Variants in NPIPB2 observed in about 807,000 individuals in gnomAD.
NPIPB2 encodes the protein nuclear pore complex-interacting protein family member B2.
In NPIPB2, 27 loss-of-function variants were observed where a neutral mutation model predicts 30.8. The ratio of observed to expected loss-of-function variants is 0.88; its 90% CI spans 0.65 to 1.21. NPIPB2 has a LOEUF of 1.21. NPIPB2 is among the 50% of genes most tolerant of loss of function. NPIPB2 has a pLI of 0.00. For synonymous variants in NPIPB2, 147 were observed against 162.0 expected, an observed-to-expected ratio of 0.91 and a Z score of 0.70; for missense variants, 440 against 446.2, an observed-to-expected ratio of 0.99 and a Z score of 0.13.
chr16:11,948,760 C>G, intron 1 of NPIPB2, among the ~76,000 whole-genome samples: 1 of 107,166 alleles, frequency 9.3e-6, no homozygotes, highest in Non-Finnish European at 1.8e-5. Context: ...GAGCGAGACT[C>G]CGTCTCAAAA....
intron 1 of NPIPB2, among the ~76,000 whole-genome samples, chr16:11,975,030 G>A (rs939568001): frequency 6.6e-6 from 1 of 150,646 alleles, no homozygotes; most frequent in Non-Finnish European, 1.5e-5. Context: ...AGCCAAGATC[G>A]CGCCACTGCA....
At chr16:11,960,167 C>A (rs1050878832) in intron 1 of NPIPB2, among the ~76,000 whole-genome samples, 1 of 152,142 alleles carries the variant, frequency 6.6e-6, no homozygotes, top group African/African-American at 2.4e-5. Flanking sequence ...CATTGTGAGG[C>A]TCCCAGTGAC....
upstream of NPIPB2, among the ~76,000 whole-genome samples, chr16:11,945,670 T>G (rs2054999774): frequency 1.3e-5 from 2 of 151,230 alleles, no homozygotes; most frequent in South Asian, 4.2e-4. Flanking sequence ...AGAGTGAGAC[T>G]CTGTCTTAAA....
At chr16:11,951,945 G>T (rs1463230755) in intron 1 of NPIPB2, among the ~76,000 whole-genome samples, 4 of 152,062 alleles carry the variant, frequency 2.6e-5, no homozygotes, top group Admixed American at 6.6e-5. Flanking sequence ...GGACCACAAG[G>T]TCAGGAGATC....
chr16:11,943,435 G>T (rs912411713), upstream of NPIPB2, among the ~76,000 whole-genome samples: 1 of 152,176 alleles, frequency 6.6e-6, no homozygotes, highest in South Asian at 2.1e-4. Context: ...TGGGCATGGT[G>T]GCTCACGCCT....
intron 4 of NPIPB2, among the ~76,000 whole-genome samples, chr16:11,932,856 G>A (rs1212129984): frequency 7.1e-6 from 1 of 140,608 alleles, no homozygotes; most frequent in African/African-American, 2.6e-5. Flanking sequence ...AGCTACTCAG[G>A]AAGCTGAGGC....
At chr16:11,969,520 G>A (rs1268578208) in intron 1 of NPIPB2, among the ~76,000 whole-genome samples, 1 of 152,224 alleles carries the variant, frequency 6.6e-6, no homozygotes, top group Non-Finnish European at 1.5e-5. Context: ...CTCCCAATGT[G>A]CTGGGATTAC....
chr16:11,970,611 C>T (rs1007123928), intron 1 of NPIPB2, among the ~76,000 whole-genome samples: 1 of 152,088 alleles, frequency 6.6e-6, no homozygotes, highest in Non-Finnish European at 1.5e-5. Context: ...TCTTGGCTCA[C>T]TGCAACCTCC....
chr16:11,944,797 A>C (rs1001986211), upstream of NPIPB2, among the ~76,000 whole-genome samples: 22 of 151,648 alleles, frequency 1.5e-4, no homozygotes, highest in Non-Finnish European at 2.9e-4. Flanking sequence ...ATACAAAAGA[A>C]ATAAAATACA....
chr16:11,948,766 C>CAAAAAAAA (rs34639444), intron 1 of NPIPB2, among the ~76,000 whole-genome samples: 3 of 67,254 alleles, frequency 4.5e-5, no homozygotes, highest in East Asian at 5.4e-4. Flanking sequence ...GACTCCGTCT[C>CAAAAAAAA]AAAAAAAAAA....
chr16:11,931,801 A>G, intron 4 of NPIPB2, among the ~76,000 whole-genome samples: 1 of 151,634 alleles, frequency 6.6e-6, no homozygotes, highest in Non-Finnish European at 1.5e-5. Context: ...CCATGATTGA[A>G]TACATCAAAT....
chr16:11,968,859 C>CT (rs2055216789), intron 1 of NPIPB2: 1 of 149,842 alleles, frequency 6.7e-6, no homozygotes. Flanking sequence ...TAACCAATTT[C>CT]TTTTTCTTTT....
At chr16:11,973,153 T>G (rs1596510299) in intron 1 of NPIPB2, among the ~76,000 whole-genome samples, 1 of 96,766 alleles carries the variant, frequency 1.0e-5, no homozygotes. Flanking sequence ...GCAACAAGAG[T>G]GAAACTGTCA....
At chr16:11,970,611 C>G (rs1007123928) in intron 1 of NPIPB2, among the ~76,000 whole-genome samples, 1 of 152,088 alleles carries the variant, frequency 6.6e-6, no homozygotes, top group African/African-American at 2.4e-5. Context: ...TCTTGGCTCA[C>G]TGCAACCTCC....
At chr16:11,963,241 G>A (rs539579537) in intron 1 of NPIPB2, among the ~76,000 whole-genome samples, 11 of 152,138 alleles carry the variant, frequency 7.2e-5, no homozygotes, top group East Asian at 3.9e-4. Context: ...CTAGCCAGGC[G>A]TGGTGGCATG....
At chr16:11,975,348 CGTTT>C in intron 1 of NPIPB2, among the ~76,000 whole-genome samples, 1 of 147,332 alleles carries the variant, frequency 6.8e-6, no homozygotes. Flanking sequence ...GGGGTTTCAC[CGTTT>C]TAGCCGGGAT....
chr16:11,953,253 C>G (rs1323680161), intron 1 of NPIPB2, among the ~76,000 whole-genome samples: 1 of 152,118 alleles, frequency 6.6e-6, no homozygotes, highest in Admixed American at 6.6e-5. Flanking sequence ...TCAAGTGATT[C>G]TCCTGCCTCA....
At position 11,976,338 on chromosome 16, in the gene NPIPB2, C is replaced by G. The variant is rs993366228; in HGVS notation, c.-584+230G>C. ...GGGGATCTTCCCGGACTGGGTTCCT[C>G]TCATCATCCAGGTCTGGGCTCAGAA... On this transcript the variant is annotated intron_variant, in intron 1 of 5. Coordinates refer to the NPIPB2 transcript ENST00000538896. 4.6e-5 allele frequency among the ~76,000 whole-genome samples: 7 copies of G among 152,230 alleles called. No individual in the cohort carries two copies. In the South Asian group the frequency reaches 6.2e-4, roughly 13 times the overall value.
chr16:11,950,247 G>A (rs3850999), intron 1 of NPIPB2, among the ~76,000 whole-genome samples: 2,713 of 152,108 alleles, frequency 0.018, 77 homozygotes, highest in African/African-American at 0.061. Context: ...TGTTGGCTGG[G>A]CTTGTCTTGA....
Sources: gnomAD v4.1 joint callset for allele counts (sites outside exome capture counted in the v4.1 genomes callset) on GRCh38, gnomAD v4.1.1 for gene constraint, MANE v1.5 for transcripts, NCBI Gene and HGNC (gene_info 2026-07-23, HGNC 2026-07-21) for gene names.